HEATR6: variants seen among roughly 807,000 people sequenced by gnomAD.
HEATR6 encodes HEAT repeat-containing protein 6.
HEATR6 carries 106 observed loss-of-function variants against 132.8 expected under a neutral mutation model. That is an observed-to-expected ratio of 0.80 (90% CI 0.68 to 0.94). HEATR6 has a LOEUF of 0.94. Ranked by LOEUF, HEATR6 falls within the 40% of genes least tolerant of loss-of-function variation. The pLI is 0.00. For synonymous variants in HEATR6, 529 were observed against 537.8 expected (o/e 0.98, Z 0.23); for missense variants, 1,339 against 1,425.1 (o/e 0.94, Z 0.97).
chr17:60,078,174 A>T (rs1489831995), intron 1 of HEATR6, among the ~76,000 whole-genome samples: 1 of 152,128 alleles, frequency 6.6e-6, no homozygotes, highest in Non-Finnish European at 1.5e-5. Context: ...GATGTGTGTA[A>T]GATTACTCAG....
chr17:60,045,966 G>A (rs1454370390), intron 19 of HEATR6, 59 bp downstream of exon 19: 10 of 1,202,576 alleles, frequency 8.3e-6, no homozygotes, highest in Admixed American at 7.6e-5. Context: ...TAACAACAAC[G>A]TAGATTGGTG....
intron 16 of HEATR6, among the ~76,000 whole-genome samples, chr17:60,049,319 A>T (rs575289907): frequency 1.3e-5 from 2 of 151,736 alleles, no homozygotes; most frequent in East Asian, 3.9e-4. Context: ...TTGTAGAGAC[A>T]GGGTTTTGCC....
intron 9 of HEATR6, among the ~76,000 whole-genome samples, chr17:60,065,293 GA>G (rs1400537629): frequency 2.0e-5 from 3 of 152,158 alleles, no homozygotes; most frequent in Non-Finnish European, 2.9e-5. Flanking sequence ...GGGTCATCCA[GA>G]AATTTTCTTA....
At chr17:60,077,533 T>G (rs2083302804) in intron 1 of HEATR6, among the ~76,000 whole-genome samples, 1 of 152,232 alleles carries the variant, frequency 6.6e-6, no homozygotes, top group Non-Finnish European at 1.5e-5. Flanking sequence ...GTCAATTCTT[T>G]CAGACCTTTT....
At position 60,048,983 on chromosome 17, in the gene HEATR6, AATATATATATATATATAT is replaced by A. The variant is rs35114523; in HGVS notation, c.2547+579_2547+596del. On this transcript the variant is annotated intron_variant, in intron 16 of 19. Transcript: ENST00000184956. ...TTAAAAATAAATAACATATATATAT[AATATATATATATATATAT>A]ATATATATATATATATATGGTAATG... Among the ~76,000 whole-genome samples the A allele has an allele frequency of 2.4e-4, 17 of 69,580 alleles. 1 individual carries two copies. The highest frequency in any genetic ancestry group is 9.5e-4 in the South Asian group (2 of 2,100). The allele number at this position is 69,580 out of a possible 152,430, so 45.6% of individuals were successfully genotyped here.
chr17:60,069,580 G>A (rs2083260236), intron 7 of HEATR6, 131 bp downstream of exon 7: 4 of 814,520 alleles, frequency 4.9e-6, no homozygotes, highest in Non-Finnish European at 7.7e-6. Context: ...AATTTACTAT[G>A]CTAACAACCC....
At chr17:60,056,870 C>T (rs1389709629) in intron 12 of HEATR6, among the ~76,000 whole-genome samples, 178 bp downstream of exon 12, 1 of 152,158 alleles carries the variant, frequency 6.6e-6, no homozygotes, top group African/African-American at 2.4e-5. Context: ...TATTTTACAA[C>T]CAAAGAACAC....
chr17:60,076,513 C>A, intron 1 of HEATR6: 1 of 324,974 alleles, frequency 3.1e-6, no homozygotes, highest in South Asian at 4.0e-5. Flanking sequence ...CCAGCTTGGG[C>A]AACATAGTGA....
rs1448677627 is a variant in HEATR6 at position 60,050,978 on chromosome 17, C to T, written c.2290-1G>A. On this transcript the variant is annotated splice_acceptor_variant, in intron 14 of 19. Coordinates refer to ENST00000184956, the MANE Select transcript of HEATR6 (RefSeq NM_022070.5). LOFTEE classifies it high-confidence loss of function. ...GCATCATAGTCCAGAACATCACCAC[C>T]TGGAACGGAGGCAAAGTAAAAGCTG... 16 of 1,613,894 alleles carry T rather than the reference C, an allele frequency of 9.9e-6. No individual in the cohort carries two copies. The highest frequency in any genetic ancestry group is 1.4e-5 in the Non-Finnish European group (16 of 1,179,940).
chr17:60,062,901 G>A (rs1448022763), intron 9 of HEATR6: 2 of 174,740 alleles, frequency 1.1e-5, no homozygotes, highest in Non-Finnish European at 2.3e-5. Flanking sequence ...GTTTATCAGG[G>A]GTTTCTGCTT....
intron 1 of HEATR6, 103 bp from the exon 2 acceptor site, chr17:60,076,340 A>C: frequency 1.6e-6 from 1 of 628,050 alleles, no homozygotes; most frequent in Non-Finnish European, 2.8e-6. Context: ...CACATTCAAA[A>C]TGGGGAAAGA....
At chr17:60,065,575 G>A (rs184274181) in intron 9 of HEATR6, among the ~76,000 whole-genome samples, 2 of 152,296 alleles carry the variant, frequency 1.3e-5, no homozygotes, top group East Asian at 1.9e-4. Flanking sequence ...ATATTCAAGC[G>A]AGGCAAATAT....
In HEATR6 at chr17:60,055,599, A is replaced by G. The variant is rs768728575; in HGVS notation, c.2205T>C (p.Leu735=). ...DPSIQLHGAK[L]LEELGTGLIQ... ...TTAAGCCTGTGCCCAGTTCTTCCAG[A>G]AGCTGCCAAGAAAAAGAATTACCGA... The change falls in exon 14 of 20, where the codon CTT becomes CTC. Residue 735 remains leucine (L), a splice_region_variant and synonymous_variant. Transcript: ENST00000184956. 2 of 1,608,012 alleles carry G rather than the reference A, an allele frequency of 1.2e-6. No homozygotes were observed. The highest frequency in any genetic ancestry group is 1.7e-6 in the Non-Finnish European group (2 of 1,177,256).
At chr17:60,044,279 A>G (rs539697710) in intron 19 of HEATR6, 145 bp from the exon 20 acceptor site, 3 of 666,484 alleles carry the variant, frequency 4.5e-6, no homozygotes, top group Non-Finnish European at 5.0e-6. Context: ...ATCCTGTAAG[A>G]CAAGGGTGGT....
intron 1 of HEATR6, among the ~76,000 whole-genome samples, chr17:60,078,017 T>A (rs1426140566): frequency 3.3e-5 from 5 of 152,114 alleles, no homozygotes; most frequent in Admixed American, 2.6e-4. Flanking sequence ...CGGGAATGCG[T>A]GTTTGGAGCT....
At chr17:60,046,646 T>C (rs1188691451) in intron 18 of HEATR6, among the ~76,000 whole-genome samples, 3 of 152,196 alleles carry the variant, frequency 2.0e-5, no homozygotes, top group African/African-American at 7.2e-5. Context: ...GTTTCTCCTT[T>C]TGTTTTAAAA....
intron 11 of HEATR6, among the ~76,000 whole-genome samples, chr17:60,058,425 T>A (rs755524591): frequency 6.6e-6 from 1 of 152,230 alleles, no homozygotes; most frequent in Non-Finnish European, 1.5e-5. Context: ...CTTTGAGGCA[T>A]GGTGCACTCT....
At chr17:60,048,587 A>G (rs59950371) in intron 16 of HEATR6, among the ~76,000 whole-genome samples, 199 bp from the exon 17 acceptor site, 63,014 of 152,034 alleles carry the variant, frequency 0.41, 18,630 homozygotes, top group African/African-American at 0.85. Context: ...AAGCTCCCAT[A>G]ATTTTGGTAT....
intron 1 of HEATR6, among the ~76,000 whole-genome samples, chr17:60,077,695 T>G (rs930949053): frequency 1.3e-5 from 2 of 152,140 alleles, no homozygotes; most frequent in African/African-American, 4.8e-5. Context: ...TATGAACAAT[T>G]TTTTTTCCTC....
Sources: gnomAD v4.1 joint callset for allele counts (sites outside exome capture counted in the v4.1 genomes callset) on GRCh38, gnomAD v4.1.1 for gene constraint, MANE v1.5 for transcripts, NCBI Gene and HGNC (gene_info 2026-07-23, HGNC 2026-07-21) for gene names.